DUSP10: variants seen among roughly 807,000 people sequenced by gnomAD.
DUSP10 encodes the protein dual specificity phosphatase 10, also known as dual specificity protein phosphatase 10.
Under a neutral mutation model 30.8 loss-of-function variants are expected in DUSP10, and 14 were observed. That is an observed-to-expected ratio of 0.46 (90% confidence interval 0.30 to 0.71). The LOEUF (loss-of-function observed/expected upper bound fraction) is 0.71. Among genes scored for constraint, DUSP10 ranks in the 30% least tolerant of loss-of-function variants. The pLI is 0.08. For synonymous variants in DUSP10, 254 were observed against 250.4 expected, an observed-to-expected ratio of 1.01 and a Z score of -0.14; for missense variants, 550 against 619.4, an observed-to-expected ratio of 0.89 and a Z score of 1.19.
chr1:221,725,789 C>T (rs1054527318), intron 2 of DUSP10, among the ~76,000 whole-genome samples: 4 of 152,306 alleles, frequency 2.6e-5, no homozygotes, highest in Middle Eastern at 3.4e-3. Context: ...AAGGGAGACA[C>T]AAACACATCT....
chr1:221,713,850 GA>G (rs1171158967), intron 2 of DUSP10, among the ~76,000 whole-genome samples: 11 of 152,262 alleles, frequency 7.2e-5, no homozygotes, highest in Admixed American at 4.6e-4. Flanking sequence ...GAGCTACAGG[GA>G]AAGAGGTATT....
chr1:221,739,349 C>T lies in DUSP10; in HGVS notation c.396G>A (p.Gly132=), dbSNP rs1224503824. ...GGGTCCCTGACACAGGGCTGCCCACCCCACTTGATGGACTTAGAGAGCCTG... is the reference window on the plus strand; with the variant it reads ...GGGTCCCTGACACAGGGCTGCCCACTCCACTTGATGGACTTAGAGAGCCTG... The part of the protein sequence containing the change: ...ENTGSLSPSS[G]VGSPVSGTPK... The change falls in exon 2 of 4, where the codon GGG becomes GGA. Residue 132 remains glycine, a synonymous_variant. Coordinates refer to ENST00000366899, the MANE Select transcript of DUSP10 (RefSeq NM_007207.6). 6.2e-7 allele frequency: 1 copy of T among 1,613,972 alleles called. No individual in the cohort carries two copies. The highest frequency in any genetic ancestry group is 8.5e-7 in the Non-Finnish European group (1 of 1,179,930).
intron 2 of DUSP10, among the ~76,000 whole-genome samples, chr1:221,721,022 A>T (rs1185618040): frequency 1.3e-5 from 2 of 152,224 alleles, no homozygotes; most frequent in South Asian, 4.1e-4. Flanking sequence ...CTGTCTCCAC[A>T]ACTTTCCAGT....
chr1:221,708,085 G>A (rs1660820054), intron 2 of DUSP10, among the ~76,000 whole-genome samples: 2 of 152,162 alleles, frequency 1.3e-5, no homozygotes, highest in African/African-American at 4.8e-5. Context: ...GATACACTCT[G>A]GCTTTCCCTT....
chr1:221,717,188 T>C (rs1372975244), intron 2 of DUSP10, among the ~76,000 whole-genome samples: 5 of 151,778 alleles, frequency 3.3e-5, no homozygotes, highest in Non-Finnish European at 7.4e-5. Flanking sequence ...CAGGAGAACA[T>C]AGGGAGGGAA....
chr1:221,726,702 G>GA (rs11284226), intron 2 of DUSP10, among the ~76,000 whole-genome samples: 13,902 of 116,668 alleles, frequency 0.12, 1,897 homozygotes, highest in African/African-American at 0.34. Context: ...ACTATTTCAG[G>GA]AAAAAAAAAA....
chr1:221,708,737 T>C (rs751194329), intron 2 of DUSP10, among the ~76,000 whole-genome samples: 63 of 152,296 alleles, frequency 4.1e-4, no homozygotes, highest in Non-Finnish European at 7.2e-4. Flanking sequence ...CCCATTGTCA[T>C]CATCACAGCC....
chr1:221,735,339 C>A (rs931128163), intron 2 of DUSP10, among the ~76,000 whole-genome samples: 9 of 152,168 alleles, frequency 5.9e-5, no homozygotes. Flanking sequence ...CCTCCTACTC[C>A]CAGGGAGGGA....
Position 221,702,374 on chromosome 1 carries a change from C to T in DUSP10, c.*38G>A. On this transcript the variant is annotated 3_prime_UTR_variant, in exon 4 of 4. Coordinates refer to ENST00000366899, the MANE Select transcript of DUSP10 (RefSeq NM_007207.6). The surrounding 1 kb of genome is among the most constrained non-coding windows in gnomAD (Gnocchi z 4.5). ...ATCCATCCTCCTTCCTCATTGTCTCCTAATGGAGAGCAGCAATCCTTTCCA... is the reference window on the plus strand; with the variant it reads ...ATCCATCCTCCTTCCTCATTGTCTCTTAATGGAGAGCAGCAATCCTTTCCA... 1 of 1,605,420 alleles carries T rather than the reference C, an allele frequency of 6.2e-7. No individual in the cohort carries two copies. The highest frequency in any genetic ancestry group is 1.1e-5 in the South Asian group (1 of 90,680).
intron 2 of DUSP10, among the ~76,000 whole-genome samples, chr1:221,715,452 A>C (rs1313798613): frequency 6.6e-6 from 1 of 152,198 alleles, no homozygotes; most frequent in Non-Finnish European, 1.5e-5. Flanking sequence ...CAGAAAAGTC[A>C]GCCTCTGGTT....
chr1:221,740,672 T>C (rs188524410), intron 1 of DUSP10, among the ~76,000 whole-genome samples: 1 of 152,328 alleles, frequency 6.6e-6, no homozygotes, highest in East Asian at 1.9e-4. Context: ...ATCCTAGAGC[T>C]TCTCTCAATG....
chr1:221,739,637 G>A lies in DUSP10; in HGVS notation c.108C>T (p.Asn36=), dbSNP rs773343058. 1.2e-6 allele frequency: 2 copies of A among 1,614,204 alleles called. No homozygotes were observed. Among genetic ancestry groups the A allele is most frequent in the Non-Finnish European group, 1.7e-6 (2 of 1,180,014 alleles). The part of the protein sequence containing the change: ...CLDSSYLGSA[N]PGSNSHPPVI... ...CAGGAGGGTGGCTGTTACTGCCTGG[G>A]TTGGCAGAGCCAAGGTAACTAGAGT... The change falls in exon 2 of 4, where the codon AAC becomes AAT. Residue 36 remains asparagine, a synonymous_variant. Transcript: ENST00000366899.
At chr1:221,729,213 C>T (rs946900259) in intron 2 of DUSP10, among the ~76,000 whole-genome samples, 19 of 152,136 alleles carry the variant, frequency 1.2e-4, no homozygotes, top group African/African-American at 4.6e-4. Flanking sequence ...TTTAAAGTAT[C>T]CAAAAGCTGG....
At chr1:221,740,628 C>G (rs527507636) in intron 1 of DUSP10, among the ~76,000 whole-genome samples, 16 of 152,318 alleles carry the variant, frequency 1.1e-4, no homozygotes, top group Non-Finnish European at 2.2e-4. Context: ...GGCTCTCCTC[C>G]CCTCTTCATC....
chr1:221,739,371 C>T lies in DUSP10; in HGVS notation c.374G>A (p.Gly125Asp), dbSNP rs1661880470. 1 of 1,613,932 alleles carries T rather than the reference C, an allele frequency of 6.2e-7. No homozygotes were observed. The highest frequency in any genetic ancestry group is 1.7e-5 in the Admixed American group (1 of 59,998). ...NQMVNNNENT[G>D]SLSPSSGVGS... ...CACCCCACTTGATGGACTTAGAGAG[C>T]CTGTATTCTCATTATTGTTGACCAT... is the stretch of plus-strand genomic sequence containing the variant. Residue 125 changes from glycine to aspartate, a missense_variant, in exon 2 of 4, where the codon GGC becomes GAC. Physicochemically the swap from Gly to Asp is moderately conservative, Grantham distance 94 (BLOSUM62 -1). Coordinates refer to ENST00000366899, the MANE Select transcript of DUSP10 (RefSeq NM_007207.6).
Position 221,706,574 on chromosome 1 carries a change from T to C in DUSP10, c.812-108A>G, listed in dbSNP as rs530896544. ...CATTGTAGCTCATGCATATTTTAAA[T>C]ACATATATAAATATGTATTTAAGCA... On this transcript the variant is annotated intron_variant, in intron 2 of 3. Transcript: ENST00000366899. The surrounding 1 kb of genome is among the most constrained non-coding windows in gnomAD (Gnocchi z 4.6). The C allele has an allele frequency of 4.1e-6, 3 of 735,018 alleles. No homozygotes were observed. Among genetic ancestry groups the C allele is most frequent in the Middle Eastern group, 4.4e-4 (1 of 2,288 alleles). The allele number at this position is 735,018 out of a possible 1,614,324, so 45.5% of individuals were successfully genotyped here.
chr1:221,714,326 T>G (rs924607007), intron 2 of DUSP10, among the ~76,000 whole-genome samples: 1 of 152,138 alleles, frequency 6.6e-6, no homozygotes, highest in African/African-American at 2.4e-5. Context: ...CCCAAATCAT[T>G]TTCAACAGAG....
chr1:221,739,723 C>A lies in DUSP10; in HGVS notation c.22G>T (p.Asp8Tyr). The change falls in exon 2 of 4, where the codon GAC becomes TAC. Residue 8 changes from aspartate to tyrosine, a missense_variant. Physicochemically the swap from Asp to Tyr is radical, Grantham distance 160. Transcript: ENST00000366899. ...CTAGATAGTGCCACTACTACCCTGT[C>A]GTCTAAAGGAGACGGAGGCATGAGG... MPPSPLD[D>Y]RVVVALSRPV... is the part of the protein sequence containing the mutation. 1.2e-6 allele frequency: 2 copies of A among 1,600,266 alleles called. No homozygotes were observed. Among genetic ancestry groups the A allele is most frequent in the South Asian group, 1.1e-5 (1 of 89,824 alleles).
At position 221,702,831 on chromosome 1, in the gene DUSP10, C is replaced by T. The variant is rs148602508; in HGVS notation, c.1184-154G>A. ...CCAAGTATAATCCACTAGTTCATTA[C>T]GTATACTTATGTCACAACTTCCAGA... On this transcript the variant is annotated intron_variant, in intron 3 of 3. Transcript: ENST00000366899. The surrounding 1 kb of genome is among the most constrained non-coding windows in gnomAD (Gnocchi z 4.5). 1.3e-5 allele frequency among the ~76,000 whole-genome samples: 2 copies of T among 152,270 alleles called. No individual in the cohort carries two copies. Among genetic ancestry groups the T allele is most frequent in the African/African-American group, 2.4e-5 (1 of 41,538 alleles).
Sources: allele counts gnomAD v4.1 joint callset (sites outside exome capture counted in the v4.1 genomes callset), GRCh38; gene constraint gnomAD v4.1.1; non-coding constraint Gnocchi (gnomAD v3.1); transcripts MANE v1.5; gene names NCBI Gene and HGNC (gene_info 2026-07-23, HGNC 2026-07-21).